The following PHLPP2 variants were observed in gnomAD, a reference collection of about 807,000 sequenced individuals.
The protein encoded by PHLPP2 is PH domain leucine-rich repeat-containing protein phosphatase 2.
Under a neutral mutation model 124.9 loss-of-function variants are expected in PHLPP2, and 66 were observed. The ratio of observed to expected loss-of-function variants is 0.53; its 90% confidence interval spans 0.43 to 0.65. The LOEUF is 0.65. Ranked by LOEUF, PHLPP2 falls within the 30% of genes least tolerant of loss-of-function variation. PHLPP2 has a pLI of 0.00. For missense variants in PHLPP2, 1,685 were observed against 1,600.4 expected, an observed-to-expected ratio of 1.05 and a Z score of -0.90; for synonymous variants, 681 against 624.7, an observed-to-expected ratio of 1.09 and a Z score of -1.34.
At chr16:71,655,982 G>A (rs2044739217) in intron 16 of PHLPP2, among the ~76,000 whole-genome samples, 1 of 152,154 alleles carries the variant, frequency 6.6e-6, no homozygotes, top group Non-Finnish European at 1.5e-5. Flanking sequence ...CCAAAGGCTG[G>A]TAAGATAAAG....
chr16:71,657,378 A>C (rs2044750961), intron 15 of PHLPP2, among the ~76,000 whole-genome samples: 1 of 148,224 alleles, frequency 6.7e-6, no homozygotes, highest in South Asian at 2.2e-4. Context: ...ACGCCCGGCC[A>C]ACAATAATAT....
At chr16:71,662,293 G>C (rs1262673292) in intron 13 of PHLPP2, among the ~76,000 whole-genome samples, 1 of 151,928 alleles carries the variant, frequency 6.6e-6, no homozygotes, top group Non-Finnish European at 1.5e-5. Flanking sequence ...AGCCAGGTGT[G>C]GTGGCACATG....
At position 71,647,181 on chromosome 16, in the gene PHLPP2, T is replaced by TA. The variant is rs2044659519; in HGVS notation, c.*1708dup. The stretch of plus-strand genomic sequence containing the variant: ...AATTCAAAGCACATTCCCCATTGGG[T>TA]AAAATCAAGCAATGCCAACATTTTG... On this transcript the variant is annotated 3_prime_UTR_variant, in exon 19 of 19. Coordinates refer to ENST00000568954, the MANE Select transcript of PHLPP2 (RefSeq NM_015020.3). 6.6e-6 allele frequency: 1 copy of TA among 152,616 alleles called. No individual in the cohort carries two copies. The highest frequency in any genetic ancestry group is 1.5e-5 in the Non-Finnish European group (1 of 68,034). The allele number at this position is 152,616 out of a possible 1,614,324, so 9.5% of individuals were successfully genotyped here. A position where few individuals can be genotyped will look rare whatever the true frequency, so the allele number is the denominator to read the frequency against.
At chr16:71,657,948 C>G (rs1359864986) in intron 15 of PHLPP2, among the ~76,000 whole-genome samples, 4 of 152,142 alleles carry the variant, frequency 2.6e-5, no homozygotes, top group Non-Finnish European at 4.4e-5. Flanking sequence ...CTTGTATTGT[C>G]TCTTAGATAT....
intron 6 of PHLPP2, among the ~76,000 whole-genome samples, chr16:71,681,206 G>T (rs1307023118): frequency 6.6e-6 from 1 of 152,134 alleles, no homozygotes; most frequent in Non-Finnish European, 1.5e-5. Context: ...GGAATGAGGT[G>T]GGATGAGTGG....
chr16:71,710,775 A>C (rs1318395555), intron 2 of PHLPP2, among the ~76,000 whole-genome samples: 7 of 152,210 alleles, frequency 4.6e-5, no homozygotes, highest in Non-Finnish European at 1.5e-5. Context: ...CATATCATTT[A>C]TAATTTAATC....
chr16:71,658,226 T>C lies in PHLPP2; in HGVS notation c.2279+7A>G. The C allele has an allele frequency of 6.2e-7, 1 of 1,612,608 alleles. No homozygotes were observed. The highest frequency in any genetic ancestry group is 8.5e-7 in the Non-Finnish European group (1 of 1,179,272). ...ACATAGAGATTCCATTTCAAATTTT[T>C]TCCTACCTAAATATGTCCAGTGTCT... On this transcript the variant is annotated splice_region_variant and intron_variant, in intron 15 of 18. Coordinates refer to ENST00000568954, the MANE Select transcript of PHLPP2 (RefSeq NM_015020.3).
At chr16:71,681,041 G>A (rs1289677734) in intron 6 of PHLPP2, among the ~76,000 whole-genome samples, 2 of 152,116 alleles carry the variant, frequency 1.3e-5, no homozygotes, top group Non-Finnish European at 2.9e-5. Flanking sequence ...AAGGAAGTAC[G>A]TAAAATATGT....
chr16:71,671,990 T>C (rs943588193), intron 10 of PHLPP2, among the ~76,000 whole-genome samples: 1 of 152,218 alleles, frequency 6.6e-6, no homozygotes, highest in African/African-American at 2.4e-5. Context: ...AATCAGTGCC[T>C]TGAAGATAAC....
chr16:71,660,979 TA>T (rs1476752644), intron 13 of PHLPP2, among the ~76,000 whole-genome samples: 1 of 152,156 alleles, frequency 6.6e-6, no homozygotes, highest in Non-Finnish European at 1.5e-5. Context: ...CACACATTTT[TA>T]AAAATATGTT....
At chr16:71,684,087 C>T (rs2045029504) in intron 5 of PHLPP2, among the ~76,000 whole-genome samples, 1 of 150,682 alleles carries the variant, frequency 6.6e-6, no homozygotes, top group African/African-American at 2.4e-5. Context: ...CCACTGCACC[C>T]GGCCATCAGT....
intron 10 of PHLPP2, among the ~76,000 whole-genome samples, 196 bp from the exon 11 acceptor site, chr16:71,669,566 A>G (rs1444651759): frequency 6.6e-6 from 1 of 152,238 alleles, no homozygotes; most frequent in Non-Finnish European, 1.5e-5. Flanking sequence ...GAGAGGAGAG[A>G]CAAGTACCTG....
At chr16:71,687,999 C>A (rs1025332799) in intron 4 of PHLPP2, among the ~76,000 whole-genome samples, 1 of 152,142 alleles carries the variant, frequency 6.6e-6, no homozygotes, top group African/African-American at 2.4e-5. Flanking sequence ...CCTAACAGCT[C>A]CATAGGCCAG....
intron 12 of PHLPP2, among the ~76,000 whole-genome samples, chr16:71,666,385 T>C (rs898517619): frequency 6.6e-6 from 1 of 152,030 alleles, no homozygotes; most frequent in African/African-American, 2.4e-5. Flanking sequence ...TGGTGGTGCA[T>C]CCCTGTGGTC....
At chr16:71,689,270 C>T (rs896022929) in intron 4 of PHLPP2, among the ~76,000 whole-genome samples, 4 of 151,502 alleles carry the variant, frequency 2.6e-5, no homozygotes, top group Non-Finnish European at 4.4e-5. Flanking sequence ...GGCTAGGATA[C>T]GGTAGCACGA....
chr16:71,682,034 A>C (rs1479642656), intron 5 of PHLPP2, 129 bp from the exon 6 acceptor site: 5 of 600,122 alleles, frequency 8.3e-6, no homozygotes, highest in Non-Finnish European at 1.1e-5. Flanking sequence ...AATAAGATCC[A>C]ATTATTCATT....
Position 71,681,827 on chromosome 16 carries a change from G to C in PHLPP2, c.814C>G (p.Gln272Glu). 6.2e-7 allele frequency: 1 copy of C among 1,613,666 alleles called. No individual in the cohort carries two copies. Among genetic ancestry groups the C allele is most frequent in the Non-Finnish European group, 8.5e-7 (1 of 1,179,686 alleles). The change falls in exon 6 of 19, where the codon CAA (glutamine) becomes GAA (glutamate). Residue 272 changes from glutamine (Q) to glutamate (E), a missense_variant. Gln to Glu is a conservative substitution (Grantham distance 29). Coordinates refer to ENST00000568954, the MANE Select transcript of PHLPP2 (RefSeq NM_015020.3). The stretch of plus-strand genomic sequence containing the variant: ...CGCAAGTTGAGGTAGGTAATATCTT[G>C]ACTATAGAAGAGATGCTCAGGAACC... ...EEVPEHLFYS[Q>E]DITYLNLRHN...
chr16:71,655,207 C>T (rs371146051), intron 17 of PHLPP2, 33 bp downstream of exon 17: 2 of 1,454,028 alleles, frequency 1.4e-6, no homozygotes, highest in Non-Finnish European at 1.9e-6. Flanking sequence ...AAAAGTAGAA[C>T]TGAGTTAGGG....
intron 5 of PHLPP2, among the ~76,000 whole-genome samples, chr16:71,683,459 G>A (rs993334220): frequency 3.3e-5 from 5 of 152,196 alleles, no homozygotes; most frequent in African/African-American, 1.2e-4. Context: ...TGCAGACCAA[G>A]AAGCACTGGG....
Sources: allele counts gnomAD v4.1 joint callset (sites outside exome capture counted in the v4.1 genomes callset), GRCh38; gene constraint gnomAD v4.1.1; transcripts MANE v1.5; gene names NCBI Gene and HGNC (gene_info 2026-07-23, HGNC 2026-07-21).